Variants in CD2AP observed in about 807,000 individuals in gnomAD.
CD2AP encodes CD2 associated protein.
Under a neutral mutation model 85.1 loss-of-function variants are expected in CD2AP, and 46 were observed. That is an observed-to-expected ratio of 0.54 (90% CI 0.43 to 0.69). CD2AP has a LOEUF of 0.69. Among genes scored for constraint, CD2AP ranks in the 30% least tolerant of loss-of-function variants. The pLI is 0.00. For missense variants in CD2AP, 769 were observed against 729.5 expected, an observed-to-expected ratio of 1.05 and a Z score of -0.62; for synonymous variants, 255 against 252.9, an observed-to-expected ratio of 1.01 and a Z score of -0.08.
chr6:47,583,627 T>C (rs944550119), intron 11 of CD2AP, among the ~76,000 whole-genome samples: 2 of 152,228 alleles, frequency 1.3e-5, no homozygotes, highest in African/African-American at 4.8e-5. Flanking sequence ...AAATAATATT[T>C]CAATGTCTTT....
chr6:47,557,747 G>C (rs1767735991), intron 5 of CD2AP, among the ~76,000 whole-genome samples: 1 of 152,152 alleles, frequency 6.6e-6, no homozygotes. Context: ...ATAGTTTGAA[G>C]TCAGGTAGCA....
At position 47,478,139 on chromosome 6, in the gene CD2AP, G is replaced by A; in HGVS notation, c.-106G>A. The A allele has an allele frequency of 7.0e-7, 1 of 1,424,768 alleles. No homozygotes were observed. The highest frequency in any genetic ancestry group is 9.7e-7 in the Non-Finnish European group (1 of 1,034,424). The allele number at this position is 1,424,768 out of a possible 1,614,324, so 88.3% of individuals were successfully genotyped here. On this transcript the variant is annotated 5_prime_UTR_variant, in exon 1 of 18. Coordinates refer to ENST00000359314, the MANE Select transcript of CD2AP (RefSeq NM_012120.3). ...CCGCCTGAGCTCAGGAGGGGCTAGC[G>A]CGGAGCGCGGGTCCCGCCTCCAGCC... is the stretch of plus-strand genomic sequence containing the variant.
chr6:47,589,916 T>C (rs980677152), intron 11 of CD2AP, among the ~76,000 whole-genome samples: 1 of 152,128 alleles, frequency 6.6e-6, no homozygotes, highest in Non-Finnish European at 1.5e-5. Flanking sequence ...GAAGTTCAAC[T>C]TCTAATAATC....
chr6:47,543,926 A>G (rs934892132), intron 3 of CD2AP, among the ~76,000 whole-genome samples: 11 of 152,232 alleles, frequency 7.2e-5, no homozygotes, highest in South Asian at 2.1e-4. Context: ...GAAGTAGTCA[A>G]CTATTCCTGA....
chr6:47,530,706 T>C (rs1766851894), intron 2 of CD2AP, among the ~76,000 whole-genome samples: 1 of 152,194 alleles, frequency 6.6e-6, no homozygotes, highest in African/African-American at 2.4e-5. Flanking sequence ...TTGTTAACAT[T>C]TGTATGCCTA....
intron 2 of CD2AP, among the ~76,000 whole-genome samples, chr6:47,524,487 A>G (rs1766672010): frequency 6.6e-6 from 1 of 152,150 alleles, no homozygotes; most frequent in Non-Finnish European, 1.5e-5. Context: ...TGGAAATGAC[A>G]TTTTTTAGAT....
rs1277145073 is a variant in CD2AP at position 47,478,216 on chromosome 6, G to A, written c.-29G>A. 1 of 1,566,216 alleles carries A rather than the reference G, an allele frequency of 6.4e-7. No homozygotes were observed. The highest frequency in any genetic ancestry group is 8.6e-7 in the Non-Finnish European group (1 of 1,156,092). ...TGGAGGAGGAGGAGGAGGAGCGGACGTCGGCTTCTCCCCGCGGGAGCCCCC... is the reference window on the plus strand; with the variant it reads ...TGGAGGAGGAGGAGGAGGAGCGGACATCGGCTTCTCCCCGCGGGAGCCCCC... On this transcript the variant is annotated 5_prime_UTR_variant, in exon 1 of 18. Coordinates refer to ENST00000359314, the MANE Select transcript of CD2AP (RefSeq NM_012120.3).
At chr6:47,517,979 G>A (rs1427467379) in intron 2 of CD2AP, among the ~76,000 whole-genome samples, 1 of 152,194 alleles carries the variant, frequency 6.6e-6, no homozygotes, top group Admixed American at 6.5e-5. Flanking sequence ...TAGGAGTGAA[G>A]TTGAATAGAA....
chr6:47,564,935 G>A (rs1767953995), intron 5 of CD2AP, among the ~76,000 whole-genome samples: 1 of 151,836 alleles, frequency 6.6e-6, no homozygotes, highest in South Asian at 2.1e-4. Flanking sequence ...TCTCCTCACA[G>A]TCTTTTAAAT....
intron 11 of CD2AP, 33 bp from the exon 12 acceptor site, chr6:47,595,828 T>G (rs1323603259): frequency 1.9e-6 from 3 of 1,579,530 alleles, no homozygotes; most frequent in Admixed American, 3.4e-5. Context: ...TAATTTTGAT[T>G]GTTAATAACT....
intron 3 of CD2AP, among the ~76,000 whole-genome samples, chr6:47,537,119 A>G (rs1767072322): frequency 6.6e-6 from 1 of 152,362 alleles, no homozygotes; most frequent in South Asian, 2.1e-4. Context: ...TTATACTGCA[A>G]GGGATGATGT....
chr6:47,488,968 C>G (rs1219761932), intron 1 of CD2AP: 2 of 152,086 alleles, frequency 1.3e-5, no homozygotes, highest in South Asian at 2.1e-4. Context: ...TGGAGAAACT[C>G]AAGTGATTAC....
At chr6:47,581,326 G>A (rs974412200) in intron 10 of CD2AP, among the ~76,000 whole-genome samples, 1 of 152,138 alleles carries the variant, frequency 6.6e-6, no homozygotes, top group Non-Finnish European at 1.5e-5. Context: ...ATAAATTATG[G>A]TAGACCTAGA....
chr6:47,582,195 T>A, intron 11 of CD2AP, 130 bp downstream of exon 11: 1 of 663,384 alleles, frequency 1.5e-6, no homozygotes, highest in Non-Finnish European at 2.8e-6. Flanking sequence ...TAACAATGCT[T>A]GGAGTTTTCT....
intron 2 of CD2AP, among the ~76,000 whole-genome samples, chr6:47,505,699 C>T (rs1381710418): frequency 6.0e-5 from 4 of 66,282 alleles, no homozygotes; most frequent in Admixed American, 1.4e-4. Flanking sequence ...CCCTCCCGGA[C>T]GGGGTGGCTG....
At chr6:47,516,261 G>A (rs949017675) in intron 2 of CD2AP, among the ~76,000 whole-genome samples, 4 of 152,258 alleles carry the variant, frequency 2.6e-5, no homozygotes, top group African/African-American at 9.6e-5. Context: ...ACAACCTTCT[G>A]GGCTGCTTTA....
intron 4 of CD2AP, among the ~76,000 whole-genome samples, chr6:47,546,850 G>T (rs1767377307): frequency 6.6e-6 from 1 of 152,136 alleles, no homozygotes; most frequent in Admixed American, 6.5e-5. Context: ...AACCATACAA[G>T]CTAGAAGGGA....
At chr6:47,584,946 T>C (rs2114112614) in intron 11 of CD2AP, among the ~76,000 whole-genome samples, 1 of 152,164 alleles carries the variant, frequency 6.6e-6, no homozygotes, top group Non-Finnish European at 1.5e-5. Flanking sequence ...GCAGTTTTGT[T>C]AAAATTCAGA....
At position 47,624,465 on chromosome 6, in the gene CD2AP, A is replaced by T. The variant is rs1344739363; in HGVS notation, c.*238A>T. The T allele has an allele frequency of 1.1e-5, 5 of 472,324 alleles. No homozygotes were observed. The highest frequency in any genetic ancestry group is 1.9e-5 in the Non-Finnish European group (5 of 267,024). The allele number at this position is 472,324 out of a possible 1,614,324, so 29.3% of individuals were successfully genotyped here. Reference sequence around the variant, plus strand: ...TGCTGGGATTGCAAACACTTTTTAAAAAATTGTTTGCTTGAAAATACTACT... The same window carrying T: ...TGCTGGGATTGCAAACACTTTTTAATAAATTGTTTGCTTGAAAATACTACT... On this transcript the variant is annotated 3_prime_UTR_variant, in exon 18 of 18. Coordinates refer to ENST00000359314, the MANE Select transcript of CD2AP (RefSeq NM_012120.3).
Sources: gnomAD v4.1 joint callset for allele counts (sites outside exome capture counted in the v4.1 genomes callset) on GRCh38, gnomAD v4.1.1 for gene constraint, MANE v1.5 for transcripts, NCBI Gene and HGNC (gene_info 2026-07-23, HGNC 2026-07-21) for gene names.